RNF168: variants seen among roughly 807,000 people sequenced by gnomAD.
The protein encoded by RNF168 is E3 ubiquitin-protein ligase RNF168.
Under a neutral mutation model 34.9 loss-of-function variants are expected in RNF168, and 34 were observed. That is an observed-to-expected ratio of 0.97 (90% confidence interval 0.74 to 1.30). RNF168 has a LOEUF of 1.30. Ranked by LOEUF, RNF168 falls within the 50% of genes most tolerant of loss-of-function variation. RNF168 has a pLI of 0.00. For synonymous variants in RNF168, 264 were observed against 254.7 expected (o/e 1.04, Z -0.35); for missense variants, 725 against 682.5 (o/e 1.06, Z -0.69).
intron 4 of RNF168, among the ~76,000 whole-genome samples, chr3:196,483,083 C>T (rs1560270075): frequency 6.6e-6 from 1 of 151,768 alleles, no homozygotes; most frequent in African/African-American, 2.4e-5. Context: ...ACTGGCGACA[C>T]TGATATTGTC....
intron 1 of RNF168, among the ~76,000 whole-genome samples, chr3:196,496,054 C>T (rs1732736554): frequency 6.6e-6 from 1 of 151,912 alleles, no homozygotes. Flanking sequence ...TATGTGTTAA[C>T]AAAGTTAACA....
chr3:196,481,883 C>T (rs1301858793), intron 4 of RNF168, among the ~76,000 whole-genome samples: 1 of 151,226 alleles, frequency 6.6e-6, no homozygotes, highest in Non-Finnish European at 1.5e-5. Flanking sequence ...TGAACTCCTC[C>T]TGGCCTCAAG....
chr3:196,488,309 A>G (rs774711944), intron 2 of RNF168, among the ~76,000 whole-genome samples: 7 of 151,882 alleles, frequency 4.6e-5, no homozygotes, highest in East Asian at 1.9e-4. Flanking sequence ...GTGAAACCCC[A>G]TCTCTACTAA....
At chr3:196,479,828 G>C (rs775925902) in intron 4 of RNF168, among the ~76,000 whole-genome samples, 23 of 152,274 alleles carry the variant, frequency 1.5e-4, no homozygotes, top group African/African-American at 4.3e-4. Flanking sequence ...CTGACCTCAA[G>C]TGATCTGCCT....
At chr3:196,491,078 G>C (rs1325638157) in intron 1 of RNF168, among the ~76,000 whole-genome samples, 1 of 152,202 alleles carries the variant, frequency 6.6e-6, no homozygotes, top group African/African-American at 2.4e-5. Flanking sequence ...ACTTTGGGAG[G>C]CTGAGGCAGG....
At position 196,472,152 on chromosome 3, in the gene RNF168, T is replaced by C; in HGVS notation, c.1383A>G (p.Gln461=). The change falls in exon 6 of 6, where the codon CAA becomes CAG. Residue 461 remains glutamine, a synonymous_variant. Coordinates refer to ENST00000318037, the MANE Select transcript of RNF168 (RefSeq NM_152617.4). Reference sequence around the variant, plus strand: ...ATCCTTTTTGCCGGTTTGGCACCATTTGCTCTTTATCCACCTCCTTCTGAA... The same window carrying C: ...ATCCTTTTTGCCGGTTTGGCACCATCTGCTCTTTATCCACCTCCTTCTGAA... ...LQLQKEVDKE[Q]MVPNRQKGSP... is the part of the protein sequence containing the mutation. The C allele has an allele frequency of 6.2e-7, 1 of 1,614,170 alleles. No homozygotes were observed. Among genetic ancestry groups the C allele is most frequent in the Non-Finnish European group, 8.5e-7 (1 of 1,180,026 alleles).
chr3:196,503,539 G>A lies in RNF168; in HGVS notation c.-366C>T, dbSNP rs1732959014. Reference sequence around the variant, plus strand: ...TCCTCTCCTCCCCTCACCCGGAAAGGATGCTCCGCTCAGCTCGGGGCAGCC... The same window carrying A: ...TCCTCTCCTCCCCTCACCCGGAAAGAATGCTCCGCTCAGCTCGGGGCAGCC... On this transcript the variant is annotated 5_prime_UTR_variant, in exon 1 of 6. Coordinates refer to ENST00000318037, the MANE Select transcript of RNF168 (RefSeq NM_152617.4). The A allele has an allele frequency of 3.0e-6, 1 of 334,520 alleles. No individual in the cohort carries two copies. Among genetic ancestry groups the A allele is most frequent in the Non-Finnish European group, 5.8e-6 (1 of 172,554 alleles). The allele number at this position is 334,520 out of a possible 1,614,324, so 20.7% of individuals were successfully genotyped here.
Position 196,472,304 on chromosome 3 carries a change from ACACTTTTCTTCTTTTTG to A in RNF168, c.1214_1230del (p.Ala405ValfsTer28), listed in dbSNP as rs748769814. The A allele has an allele frequency of 1.2e-6, 2 of 1,613,808 alleles. No individual in the cohort carries two copies. Among genetic ancestry groups the A allele is most frequent in the Non-Finnish European group, 1.7e-6 (2 of 1,179,874 alleles). On this transcript the variant is annotated frameshift_variant, in exon 6 of 6. Transcript: ENST00000318037. LOFTEE classifies it low-confidence loss of function (END_TRUNC). ...TCTTGATCTGGGGAAGATTCGGGGG[ACACTTTTCTTCTTTTTG>A]CAGAAAAGCATGGATCCTTGACTGC...
chr3:196,476,432 T>TC (rs1263507446), intron 4 of RNF168, among the ~76,000 whole-genome samples: 1 of 151,720 alleles, frequency 6.6e-6, no homozygotes, highest in East Asian at 1.9e-4. Flanking sequence ...TTTTTTTTTT[T>TC]CTGAGACGGA....
chr3:196,473,692 TA>T (rs1362892330), intron 5 of RNF168, among the ~76,000 whole-genome samples: 2 of 152,024 alleles, frequency 1.3e-5, no homozygotes, highest in Non-Finnish European at 2.9e-5. Context: ...CCATCTCTAC[TA>T]AAAATACAAA....
intron 1 of RNF168, among the ~76,000 whole-genome samples, chr3:196,495,223 C>T (rs745917054): frequency 6.6e-6 from 1 of 152,048 alleles, no homozygotes; most frequent in Non-Finnish European, 1.5e-5. Context: ...GTTGCATGAT[C>T]ATAACCCTTC....
intron 1 of RNF168, among the ~76,000 whole-genome samples, chr3:196,497,825 C>T (rs1215021243): frequency 6.6e-6 from 1 of 151,998 alleles, no homozygotes; most frequent in African/African-American, 2.4e-5. Flanking sequence ...CTCGTCAAAA[C>T]AATTAAGAAT....
intron 1 of RNF168, among the ~76,000 whole-genome samples, chr3:196,499,329 A>T (rs1462864866): frequency 6.6e-6 from 1 of 152,128 alleles, no homozygotes; most frequent in Non-Finnish European, 1.5e-5. Context: ...AAGGGCACGG[A>T]ACAGATTCTC....
chr3:196,488,239 T>C (rs1577516855), intron 2 of RNF168, among the ~76,000 whole-genome samples: 2 of 152,244 alleles, frequency 1.3e-5, no homozygotes, highest in East Asian at 3.9e-4. Flanking sequence ...CCCAGCACTT[T>C]GGGAGGCCGA....
In RNF168 at chr3:196,468,802, A is replaced by G. The variant is rs972430123; in HGVS notation, c.*3017T>C. The G allele has an allele frequency of 1.3e-5, 2 of 152,034 alleles. No individual in the cohort carries two copies. The highest frequency in any genetic ancestry group is 4.8e-5 in the African/African-American group (2 of 41,410). The allele number at this position is 152,034 out of a possible 1,614,324, so 9.4% of individuals were successfully genotyped here. On this transcript the variant is annotated 3_prime_UTR_variant, in exon 6 of 6. Transcript: ENST00000318037. ...AATCCATTTTTATTTTTAGTATTTT[A>G]TTTTTCAGATTCTCAGCCTCTGCAC...
rs1185254079 is a variant in RNF168 at position 196,471,276 on chromosome 3, G to A, written c.*543C>T. On this transcript the variant is annotated 3_prime_UTR_variant, in exon 6 of 6. Coordinates refer to ENST00000318037, the MANE Select transcript of RNF168 (RefSeq NM_152617.4). ...ATATGAATCCAAATTTTGAAACTCC[G>A]TCTAAAAAAAAAAAACAAACACCAA... 3.6e-5 allele frequency: 5 copies of A among 138,674 alleles called. No homozygotes were observed. Among genetic ancestry groups the A allele is most frequent in the African/African-American group, 5.3e-5 (2 of 37,458 alleles). 8.6% of individuals were successfully genotyped at this position (138,674 alleles called of 1,614,324 possible). A position where few individuals can be genotyped will look rare whatever the true frequency, so the allele number is the denominator to read the frequency against.
At chr3:196,478,816 A>G (rs1429387813) in intron 4 of RNF168, among the ~76,000 whole-genome samples, 2 of 146,436 alleles carry the variant, frequency 1.4e-5, no homozygotes, top group Admixed American at 6.9e-5. Flanking sequence ...ACAGGCATGC[A>G]CCACCATGCC....
chr3:196,488,585 A>C (rs769871467), intron 2 of RNF168, 22 bp downstream of exon 2: 3 of 1,466,652 alleles, frequency 2.0e-6, no homozygotes, highest in Admixed American at 1.7e-5. Context: ...TATTCCAAAA[A>C]AAAAAACTAT....
intron 1 of RNF168, among the ~76,000 whole-genome samples, chr3:196,501,876 C>G (rs1732896024): frequency 6.6e-6 from 1 of 151,966 alleles, no homozygotes; most frequent in African/African-American, 2.4e-5. Flanking sequence ...CAGCTGTGAG[C>G]CATCGCTCCC....
Sources: allele counts gnomAD v4.1 joint callset (sites outside exome capture counted in the v4.1 genomes callset), GRCh38; gene constraint gnomAD v4.1.1; transcripts MANE v1.5; gene names NCBI Gene and HGNC (gene_info 2026-07-23, HGNC 2026-07-21).